The following DYNC2I1 variants were observed in gnomAD, a reference collection of about 807,000 sequenced individuals.
DYNC2I1 encodes cytoplasmic dynein 2 intermediate chain 1.
DYNC2I1 carries 89 observed loss-of-function variants against 133.4 expected under a neutral mutation model. That is an observed-to-expected ratio of 0.67 (90% CI 0.56 to 0.80). The LOEUF is 0.80. Among genes scored for constraint, DYNC2I1 ranks in the 30% least tolerant of loss-of-function variants. The pLI, the probability that DYNC2I1 is intolerant of heterozygous loss-of-function variation, is 0.00. For missense variants in DYNC2I1, 1,291 were observed against 1,314.5 expected, an observed-to-expected ratio of 0.98 and a Z score of 0.28; for synonymous variants, 504 against 484.3, an observed-to-expected ratio of 1.04 and a Z score of -0.54.
chr7:158,848,366 G>A, the DYNC2I1 span, among the ~76,000 whole-genome samples: 3 of 152,132 alleles, frequency 2.0e-5, no homozygotes, highest in Non-Finnish European at 4.4e-5. Context: ...AATATTGAGG[G>A]TAAAAGGGCC....
At chr7:158,887,894 G>A (rs187335269) in intron 7 of DYNC2I1, among the ~76,000 whole-genome samples, 9 of 151,984 alleles carry the variant, frequency 5.9e-5, no homozygotes, top group East Asian at 1.9e-4. Flanking sequence ...GTACATCAGC[G>A]TTTCTCCACA....
chr7:158,886,703 A>G (rs941505852), intron 6 of DYNC2I1, among the ~76,000 whole-genome samples: 1 of 152,128 alleles, frequency 6.6e-6, no homozygotes, highest in Admixed American at 6.5e-5. Flanking sequence ...TCCTGGGCTC[A>G]AGCAAACCTC....
intron 16 of DYNC2I1, among the ~76,000 whole-genome samples, chr7:158,923,366 G>T (rs1234908674): frequency 6.6e-6 from 1 of 152,122 alleles, no homozygotes; most frequent in African/African-American, 2.4e-5. Flanking sequence ...TACGGGGTGG[G>T]TTTCTCATCC....
In DYNC2I1 at chr7:158,871,370, G is replaced by A; in HGVS notation, c.298G>A (p.Glu100Lys). Residue 100 changes from glutamate (E) to lysine (K), a missense_variant, in exon 3 of 25, where the codon GAG becomes AAG. Transcript: ENST00000407559. ...RERRRDAKDR[E>K]KEKLKEKHRE... Reference sequence around the variant, plus strand: ...GAGGAGAAGAGACGCAAAAGACCGGGAGAAAGAAAAGCTGAAGGAGAAACA... The same window carrying A: ...GAGGAGAAGAGACGCAAAAGACCGGAAGAAAGAAAAGCTGAAGGAGAAACA... 2.6e-6 allele frequency: 4 copies of A among 1,549,016 alleles called. No individual in the cohort carries two copies. The highest frequency in any genetic ancestry group is 3.5e-6 in the Non-Finnish European group (4 of 1,145,348).
intron 1 of DYNC2I1, among the ~76,000 whole-genome samples, chr7:158,858,973 C>T (rs1290833575): frequency 2.6e-4 from 19 of 72,618 alleles, no homozygotes; most frequent in Admixed American, 2.3e-3. Flanking sequence ...CTCCCCTCCC[C>T]TTTCCTCCCC....
At chr7:158,891,705 GA>G (rs976823460) in intron 8 of DYNC2I1, among the ~76,000 whole-genome samples, 4 of 152,208 alleles carry the variant, frequency 2.6e-5, no homozygotes, top group African/African-American at 9.6e-5. Flanking sequence ...GTAAGTTGAA[GA>G]AAGTGAGGAG....
At chr7:158,890,040 G>T (rs1010571697) in intron 7 of DYNC2I1, among the ~76,000 whole-genome samples, 9 of 150,820 alleles carry the variant, frequency 6.0e-5, no homozygotes, top group African/African-American at 9.8e-5. Context: ...TAGAGGTAGG[G>T]TCTTGCTCTG....
At chr7:158,939,130 T>G (rs1244827527) in intron 23 of DYNC2I1, among the ~76,000 whole-genome samples, 1 of 152,194 alleles carries the variant, frequency 6.6e-6, no homozygotes, top group African/African-American at 2.4e-5. Context: ...GTTATCTCTT[T>G]AAAATAACTT....
At chr7:158,909,671 G>A (rs1847190680) in intron 11 of DYNC2I1, among the ~76,000 whole-genome samples, 1 of 152,084 alleles carries the variant, frequency 6.6e-6, no homozygotes, top group Non-Finnish European at 1.5e-5. Context: ...AACCAAGGCC[G>A]CTGGGCCCTG....
At chr7:158,948,765 G>C (rs946228535), downstream of DYNC2I1, among the ~76,000 whole-genome samples, 36 of 152,314 alleles carry the variant, frequency 2.4e-4, no homozygotes, top group African/African-American at 8.7e-4. Context: ...GGAGTCAAGA[G>C]GGGGGTCCAG....
chr7:158,903,921 A>G (rs1846494939), intron 10 of DYNC2I1: 1 of 152,128 alleles, frequency 6.6e-6, no homozygotes, highest in Non-Finnish European at 1.5e-5. Context: ...AGAATTTACA[A>G]CTCTCAATAT....
upstream of DYNC2I1, among the ~76,000 whole-genome samples, chr7:158,855,384 T>C (rs1335739043): frequency 6.6e-6 from 1 of 152,118 alleles, no homozygotes; most frequent in Non-Finnish European, 1.5e-5. Context: ...AGCTGATCCA[T>C]CAAGTGCAGG....
rs35170585 is a variant in DYNC2I1 at position 158,875,091 on chromosome 7, CTT to C, written c.491-1499_491-1498del. On this transcript the variant is annotated intron_variant, in intron 3 of 24. Coordinates refer to ENST00000407559, the MANE Select transcript of DYNC2I1 (RefSeq NM_018051.5). The stretch of plus-strand genomic sequence containing the variant: ...AGAGTGCTCAGTGCTTGGTAAATGC[CTT>C]TTTTTTTTTTTTTTTTTTCTGAGAA... 4.2e-3 allele frequency among the ~76,000 whole-genome samples: 460 copies of C among 110,518 alleles called. 1 individual carries two copies. Among genetic ancestry groups the C allele is most frequent in the Middle Eastern group, 0.01 (2 of 198 alleles). 72.5% of individuals were successfully genotyped at this position (110,518 alleles called of 152,430 possible).
At chr7:158,868,684 G>A (rs1842625955) in intron 1 of DYNC2I1, among the ~76,000 whole-genome samples, 1 of 152,218 alleles carries the variant, frequency 6.6e-6, no homozygotes, top group Non-Finnish European at 1.5e-5. Flanking sequence ...TAGCAGACGG[G>A]TGTGATAGGG....
At chr7:158,889,278 C>T (rs1205048751) in intron 7 of DYNC2I1, among the ~76,000 whole-genome samples, 5 of 152,016 alleles carry the variant, frequency 3.3e-5, no homozygotes, top group Non-Finnish European at 5.9e-5. Context: ...GACAGGGATT[C>T]ACCATGTTAG....
chr7:158,934,497 C>G lies in DYNC2I1; in HGVS notation c.2726C>G (p.Pro909Arg). 1 of 1,571,126 alleles carries G rather than the reference C, an allele frequency of 6.4e-7. No individual in the cohort carries two copies. Among genetic ancestry groups the G allele is most frequent in the Non-Finnish European group, 8.6e-7 (1 of 1,157,204 alleles). The change falls in exon 23 of 25, where the codon CCA becomes CGA. Residue 909 changes from proline (P) to arginine (R), a missense_variant. By Grantham distance (103) the Pro-to-Arg change is moderately radical (BLOSUM62 -2). Transcript: ENST00000407559. Reference sequence around the variant, plus strand: ...AAACCTCAGCAACATGGTATAAGACCAGTGAAAGTTAATGTCATTGATTTT... The same window carrying G: ...AAACCTCAGCAACATGGTATAAGACGAGTGAAAGTTAATGTCATTGATTTT... ...LFKPQQHGIR[P>R]VKVNVIDFSP...
At chr7:158,870,414 C>T (rs557293235) in intron 2 of DYNC2I1, among the ~76,000 whole-genome samples, 13 of 152,158 alleles carry the variant, frequency 8.5e-5, no homozygotes, top group East Asian at 3.9e-4. Flanking sequence ...AGTGCAGTGG[C>T]GAAATCATAG....
intron 24 of DYNC2I1, among the ~76,000 whole-genome samples, chr7:158,942,511 G>A (rs1254735495): frequency 6.6e-6 from 1 of 152,150 alleles, no homozygotes. Flanking sequence ...TCACTTTAAA[G>A]TGTGATTATT....
At chr7:158,882,082 A>G (rs1170077587) in intron 5 of DYNC2I1, among the ~76,000 whole-genome samples, 1 of 152,236 alleles carries the variant, frequency 6.6e-6, no homozygotes. Context: ...TTGTAAAACC[A>G]CTGCCTTCAA....
Sources: gnomAD v4.1 joint callset for allele counts (sites outside exome capture counted in the v4.1 genomes callset) on GRCh38, gnomAD v4.1.1 for gene constraint, MANE v1.5 for transcripts, NCBI Gene and HGNC (gene_info 2026-07-23, HGNC 2026-07-21) for gene names.